The following DST variants were observed in gnomAD, a reference collection of about 807,000 sequenced individuals.
DST encodes bullous pemphigoid antigen.
A neutral mutation model predicts 875.2 loss-of-function variants in DST; 253 were observed. The ratio of observed to expected loss-of-function variants is 0.29; its 90% CI spans 0.26 to 0.32. The LOEUF (loss-of-function observed/expected upper bound fraction) is 0.32. DST is among the 10% of genes least tolerant of loss of function. The probability of loss-of-function intolerance (pLI) is 1.00; values close to 1 mark genes in which losing one functional copy is unlikely to be tolerated. For synonymous variants in DST, 3,124 were observed against 3,197.1 expected, an observed-to-expected ratio of 0.98 and a Z score of 0.77; for missense variants, 8,287 against 9,111.6, an observed-to-expected ratio of 0.91 and a Z score of 3.68.
At chr6:56,850,447 C>G (rs1462607958) in intron 4 of DST, among the ~76,000 whole-genome samples, 2 of 151,612 alleles carry the variant, frequency 1.3e-5, no homozygotes, top group African/African-American at 4.9e-5. Flanking sequence ...AAAGGGACCC[C>G]CAGAGTTAAG....
intron 61 of DST, among the ~76,000 whole-genome samples, chr6:56,543,424 G>A (rs1364634431): frequency 6.6e-6 from 1 of 152,128 alleles, no homozygotes; most frequent in Non-Finnish European, 1.5e-5. Context: ...TAACCATACA[G>A]TACTCTTGAG....
intron 3 of DST, among the ~76,000 whole-genome samples, chr6:56,874,978 G>GT (rs1779002105): frequency 6.6e-6 from 1 of 152,016 alleles, no homozygotes; most frequent in Non-Finnish European, 1.5e-5. Context: ...AGCCACAGAT[G>GT]TTTTTTGTTT....
At position 56,604,306 on chromosome 6, in the gene DST, T is replaced by C; in HGVS notation, c.10322A>G (p.Lys3441Arg). Residue 3441 changes from lysine (K) to arginine (R), a missense_variant, in exon 40 of 104, where the codon AAG becomes AGG. By Grantham distance (26) the Lys-to-Arg change is conservative. Transcript: ENST00000680361. ...RDDPFCIGNL[K>R]SELLLNILKQ... is the part of the protein sequence containing the mutation. ...CAATATATTAAGGAGAAGCTCAGACTTAAGATTTCCAATACAGAAAGGATC... is the reference window on the plus strand; with the variant it reads ...CAATATATTAAGGAGAAGCTCAGACCTAAGATTTCCAATACAGAAAGGATC... 6.2e-7 allele frequency: 1 copy of C among 1,612,398 alleles called. No individual in the cohort carries two copies. Among genetic ancestry groups the C allele is most frequent in the South Asian group, 1.1e-5 (1 of 90,988 alleles).
chr6:56,651,063 A>C (rs761514679), intron 11 of DST, 31 bp from the exon 12 acceptor site: 27 of 1,588,442 alleles, frequency 1.7e-5, no homozygotes, highest in Non-Finnish European at 2.3e-5. Flanking sequence ...TAATTATTTC[A>C]CAATGTTGAT....
intron 2 of DST, among the ~76,000 whole-genome samples, chr6:56,919,638 C>T (rs62411420): frequency 0.054 from 8,187 of 152,138 alleles, 349 homozygotes; most frequent in East Asian, 0.17. Flanking sequence ...TACTAAACTC[C>T]TACATAAATT....
rs138407278 is a variant in DST, at chr6:56,866,296, C to A, written c.418-14692G>T. On this transcript the variant is annotated intron_variant, in intron 3 of 103. Coordinates refer to ENST00000680361, the MANE Select transcript of DST (RefSeq NM_001374736.1). ...TACAGGCATGAGCCACCATGCCCAGCCAGAGCTATGTTGTTCTTATTCCAA... is the reference window on the plus strand; with the variant it reads ...TACAGGCATGAGCCACCATGCCCAGACAGAGCTATGTTGTTCTTATTCCAA... Among the ~76,000 whole-genome samples, 16 of 152,330 alleles carry A rather than the reference C, an allele frequency of 1.1e-4. 1 individual carries two copies. The South Asian group carries it at 3.1e-3, about 30-fold the overall frequency.
intron 10 of DST, among the ~76,000 whole-genome samples, chr6:56,663,399 C>T (rs13209145): frequency 6.6e-6 from 1 of 152,248 alleles, no homozygotes; most frequent in African/African-American, 2.4e-5. Context: ...AACTTTCAGG[C>T]TCTGTGTGTG....
At chr6:56,530,218 T>G in intron 64 of DST, 85 bp from the exon 65 acceptor site, 1 of 1,018,718 alleles carries the variant, frequency 9.8e-7, no homozygotes, top group Non-Finnish European at 1.3e-6. Flanking sequence ...TTGCAATCTA[T>G]TCTAAACATT....
At chr6:56,565,455 G>A (rs377391502) in intron 55 of DST, among the ~76,000 whole-genome samples, 14 of 152,156 alleles carry the variant, frequency 9.2e-5, no homozygotes, top group African/African-American at 2.2e-4. Flanking sequence ...GAATAGTTTC[G>A]GAAGGAATGA....
chr6:56,835,788 T>C (rs972765327), intron 4 of DST, among the ~76,000 whole-genome samples: 4 of 152,156 alleles, frequency 2.6e-5, no homozygotes, highest in African/African-American at 9.7e-5. Context: ...ACTAGAACAA[T>C]AGTATGTTTG....
chr6:56,769,131 C>A (rs996263782), intron 4 of DST, among the ~76,000 whole-genome samples: 6 of 151,994 alleles, frequency 3.9e-5, no homozygotes, highest in Non-Finnish European at 8.8e-5. Flanking sequence ...TAAAAGTGGG[C>A]AAAATATCTG....
At chr6:56,761,073 T>G (rs1267211155) in intron 4 of DST, among the ~76,000 whole-genome samples, 1 of 152,226 alleles carries the variant, frequency 6.6e-6, no homozygotes, top group Non-Finnish European at 1.5e-5. Context: ...TCTACATCAC[T>G]TACCCTGGGG....
At chr6:56,779,518 G>A (rs181550073) in intron 4 of DST, among the ~76,000 whole-genome samples, 7 of 152,098 alleles carry the variant, frequency 4.6e-5, no homozygotes, top group Non-Finnish European at 8.8e-5. Flanking sequence ...ATGGTTTTAA[G>A]TCTAACATTT....
intron 10 of DST, among the ~76,000 whole-genome samples, chr6:56,667,693 C>G (rs1396855767): frequency 6.6e-6 from 1 of 152,016 alleles, no homozygotes; most frequent in East Asian, 1.9e-4. Context: ...ACAAATAATT[C>G]AAAGACTCAA....
In DST at chr6:56,594,188, T is replaced by C. The variant is rs767619402; in HGVS notation, c.12201A>G (p.Gln4067=). Residue 4067 remains glutamine (Q), a synonymous_variant, in exon 48 of 104, where the codon CAA becomes CAG. Transcript: ENST00000680361. The part of the protein sequence containing the change: ...LNQQYQKVKA[Q]HEKIISQHQA... ...GGTGCTGAGAGATGATCTTCTCGTG[T>C]TGGGCCTATGTGAAAACAAATTGAT... 3.3e-6 allele frequency: 5 copies of C among 1,520,268 alleles called. No individual in the cohort carries two copies. The highest frequency in any genetic ancestry group is 1.8e-4 in the Middle Eastern group (1 of 5,678). The allele number at this position is 1,520,268 out of a possible 1,614,324, so 94.2% of individuals were successfully genotyped here.
chr6:56,806,609 G>A (rs1472677873), intron 4 of DST, among the ~76,000 whole-genome samples: 1 of 152,180 alleles, frequency 6.6e-6, no homozygotes, highest in Non-Finnish European at 1.5e-5. Flanking sequence ...CATAAAGGGA[G>A]CCCTGAGCAG....
At chr6:56,528,751 A>C (rs1346378270) in intron 67 of DST, 90 bp downstream of exon 67, 1 of 898,714 alleles carries the variant, frequency 1.1e-6, no homozygotes, top group Non-Finnish European at 1.7e-6. Context: ...AAAAATTATA[A>C]AGTGTTTTGG....
Position 56,604,701 on chromosome 6 carries a change from A to C in DST, c.9927T>G (p.Thr3309=). The C allele has an allele frequency of 1.2e-6, 2 of 1,611,962 alleles. No homozygotes were observed. Among genetic ancestry groups the C allele is most frequent in the South Asian group, 1.1e-5 (1 of 90,798 alleles). Residue 3309 remains threonine, a synonymous_variant, in exon 40 of 104, where the codon ACT becomes ACG. Coordinates refer to ENST00000680361, the MANE Select transcript of DST (RefSeq NM_001374736.1). Reference sequence around the variant, plus strand: ...TATTAATTTCTAAGAATGAATAGTCAGTATTTAAAGTGTTACTGGAGTTAT... The same window carrying C: ...TATTAATTTCTAAGAATGAATAGTCCGTATTTAAAGTGTTACTGGAGTTAT... ...GNDNSSNTLN[T]DYSFLEINNK...
intron 10 of DST, among the ~76,000 whole-genome samples, chr6:56,657,123 A>G (rs2099012824): frequency 6.6e-6 from 1 of 152,080 alleles, no homozygotes; most frequent in Non-Finnish European, 1.5e-5. Flanking sequence ...ATAATTATTT[A>G]ATTTCTTTTC....
Sources: allele counts gnomAD v4.1 joint callset (sites outside exome capture counted in the v4.1 genomes callset), GRCh38; gene constraint gnomAD v4.1.1; transcripts MANE v1.5; gene names NCBI Gene and HGNC (gene_info 2026-07-23, HGNC 2026-07-21).